Variants in TEAD1 observed in about 807,000 individuals in gnomAD.
TEAD1 encodes transcriptional enhancer factor TEF-1.
Under a neutral mutation model 54.9 loss-of-function variants are expected in TEAD1, and 9 were observed. The ratio of observed to expected loss-of-function variants is 0.16; its 90% CI spans 0.10 to 0.29. The LOEUF (loss-of-function observed/expected upper bound fraction) is 0.29, where lower values mean the gene tolerates loss of function less well. TEAD1 is among the 10% of genes least tolerant of loss of function. The pLI, the probability that TEAD1 is intolerant of heterozygous loss-of-function variation, is 1.00. For synonymous variants in TEAD1, 200 were observed against 187.8 expected, an observed-to-expected ratio of 1.07 and a Z score of -0.53; for missense variants, 387 against 535.9, an observed-to-expected ratio of 0.72 and a Z score of 2.74.
intron 2 of TEAD1, among the ~76,000 whole-genome samples, chr11:12,731,346 C>T (rs536152708): frequency 1.6e-4 from 24 of 152,192 alleles, no homozygotes; most frequent in East Asian, 5.8e-4. Flanking sequence ...TAGAACTATC[C>T]GTAATTTCAC....
Position 12,832,692 on chromosome 11 carries a change from C to T in TEAD1, c.203-29558C>T, listed in dbSNP as rs192243518. Among the ~76,000 whole-genome samples the T allele has an allele frequency of 6.6e-4, 101 of 152,314 alleles. 1 individual carries two copies. In the East Asian group the frequency reaches 0.017, roughly 26 times the overall value. On this transcript the variant is annotated intron_variant, in intron 3 of 12. Coordinates refer to ENST00000527636, the MANE Select transcript of TEAD1 (RefSeq NM_021961.6). Reference sequence around the variant, plus strand: ...TGCCCCAGCTACTGGATCATGAAAGCATTACCTTGTGCCAAGGGCATGATG... The same window carrying T: ...TGCCCCAGCTACTGGATCATGAAAGTATTACCTTGTGCCAAGGGCATGATG...
chr11:12,732,029 C>T (rs989270948), intron 2 of TEAD1, among the ~76,000 whole-genome samples: 1 of 152,128 alleles, frequency 6.6e-6, no homozygotes, highest in Non-Finnish European at 1.5e-5. Context: ...GTGGGCAACC[C>T]AATCCCTTAA....
chr11:12,742,255 T>C (rs1288138135), intron 2 of TEAD1, among the ~76,000 whole-genome samples: 2 of 152,246 alleles, frequency 1.3e-5, no homozygotes, highest in Non-Finnish European at 2.9e-5. Flanking sequence ...AGTGACATGA[T>C]TCTGGACAAA....
At chr11:12,787,675 C>T (rs534038111) in intron 3 of TEAD1, among the ~76,000 whole-genome samples, 1 of 152,270 alleles carries the variant, frequency 6.6e-6, no homozygotes, top group Non-Finnish European at 1.5e-5. Context: ...TTTACCAAAG[C>T]AGTCTGATTT....
intron 10 of TEAD1, among the ~76,000 whole-genome samples, chr11:12,906,541 CAAA>C (rs57220080): frequency 0.31 from 43,459 of 142,458 alleles, 6,604 homozygotes; most frequent in East Asian, 0.59. Flanking sequence ...GACTCCTTCT[CAAA>C]AAAAAAAAAA....
chr11:12,874,480 G>A (rs1947815722), intron 5 of TEAD1, among the ~76,000 whole-genome samples: 1 of 152,210 alleles, frequency 6.6e-6, no homozygotes, highest in Non-Finnish European at 1.5e-5. Context: ...CAGCAGAACA[G>A]AGAGCTATAG....
At chr11:12,677,514 GA>G (rs1189207098) in intron 2 of TEAD1, among the ~76,000 whole-genome samples, 1 of 151,998 alleles carries the variant, frequency 6.6e-6, no homozygotes, top group Admixed American at 6.6e-5. Flanking sequence ...AAGTCATAAG[GA>G]AAAAAATGTT....
chr11:12,820,314 C>G (rs1946516673), intron 3 of TEAD1, among the ~76,000 whole-genome samples: 2 of 152,094 alleles, frequency 1.3e-5, no homozygotes, highest in African/African-American at 4.8e-5. Flanking sequence ...GCTGTGTAGC[C>G]CTAAAGCCAT....
intron 2 of TEAD1, among the ~76,000 whole-genome samples, chr11:12,740,298 A>G (rs895205249): frequency 1.3e-5 from 2 of 152,208 alleles, no homozygotes; most frequent in Non-Finnish European, 2.9e-5. Flanking sequence ...AGGACATACA[A>G]AGTGCTTAGA....
Position 12,720,999 on chromosome 11 carries a change from C to T in TEAD1, c.-54-43180C>T, listed in dbSNP as rs1201174566. Among the ~76,000 whole-genome samples, 3 of 152,190 alleles carry T rather than the reference C, an allele frequency of 2.0e-5. No individual in the cohort carries two copies. In the East Asian group the frequency reaches 5.8e-4, roughly 29 times the overall value. The stretch of plus-strand genomic sequence containing the variant: ...TGTGTACCTTGGATTTCCTTTGGAC[C>T]TTGTATTCTTTATGGGTTATACTTT... On this transcript the variant is annotated intron_variant, in intron 2 of 12. Coordinates refer to ENST00000527636, the MANE Select transcript of TEAD1 (RefSeq NM_021961.6).
intron 3 of TEAD1, among the ~76,000 whole-genome samples, chr11:12,776,256 T>C (rs760776065): frequency 1.8e-4 from 27 of 152,212 alleles, no homozygotes; most frequent in South Asian, 6.2e-4. Context: ...TCATGTATTA[T>C]GGTAAGATGG....
At chr11:12,870,652 G>T (rs539225419) in intron 5 of TEAD1, among the ~76,000 whole-genome samples, 1 of 152,168 alleles carries the variant, frequency 6.6e-6, no homozygotes, top group Admixed American at 6.5e-5. Flanking sequence ...TCGGGAGGCC[G>T]AGATGGGCAG....
At chr11:12,821,468 C>T (rs1455373953) in intron 3 of TEAD1, among the ~76,000 whole-genome samples, 1 of 152,164 alleles carries the variant, frequency 6.6e-6, no homozygotes, top group Non-Finnish European at 1.5e-5. Context: ...ATAATTGTAT[C>T]ATAATGTGGA....
chr11:12,683,077 A>G (rs751897428), intron 2 of TEAD1, among the ~76,000 whole-genome samples: 5 of 152,206 alleles, frequency 3.3e-5, no homozygotes, highest in Non-Finnish European at 7.3e-5. Flanking sequence ...GTGGTAGTGT[A>G]TGGACACTGA....
chr11:12,858,217 A>G (rs1232395090), intron 3 of TEAD1, among the ~76,000 whole-genome samples: 2 of 152,234 alleles, frequency 1.3e-5, no homozygotes, highest in East Asian at 1.9e-4. Context: ...CAAACAGCCA[A>G]AAAGATCTTC....
chr11:12,872,747 G>T (rs1447221790), intron 5 of TEAD1, among the ~76,000 whole-genome samples: 1 of 152,162 alleles, frequency 6.6e-6, no homozygotes, highest in African/African-American at 2.4e-5. Flanking sequence ...CTTAGATAAT[G>T]CCCTAGAATG....
At chr11:12,711,401 G>C (rs1004138608) in intron 2 of TEAD1, among the ~76,000 whole-genome samples, 1 of 152,200 alleles carries the variant, frequency 6.6e-6, no homozygotes, top group Admixed American at 6.5e-5. Flanking sequence ...TCTCTTAGTA[G>C]TCACCAGTGA....
At chr11:12,793,700 A>AG (rs1254577050) in intron 3 of TEAD1, among the ~76,000 whole-genome samples, 2 of 152,204 alleles carry the variant, frequency 1.3e-5, no homozygotes, top group Non-Finnish European at 2.9e-5. Flanking sequence ...GGACATTGTT[A>AG]GGAAAAAGGC....
chr11:12,895,236 A>G (rs1255894254), intron 9 of TEAD1, among the ~76,000 whole-genome samples: 1 of 151,874 alleles, frequency 6.6e-6, no homozygotes, highest in Non-Finnish European at 1.5e-5. Flanking sequence ...TTGCAAGTGA[A>G]TGGTTGACTT....
Sources: allele counts gnomAD v4.1 joint callset (sites outside exome capture counted in the v4.1 genomes callset), GRCh38; gene constraint gnomAD v4.1.1; transcripts MANE v1.5; gene names NCBI Gene and HGNC (gene_info 2026-07-23, HGNC 2026-07-21).